The following MAP2K5 variants were observed in gnomAD, a reference collection of about 807,000 sequenced individuals.
The protein encoded by MAP2K5 is mitogen-activated protein kinase kinase 5, also known as dual specificity mitogen-activated protein kinase kinase 5.
MAP2K5 carries 49 observed loss-of-function variants against 83.1 expected under a neutral mutation model. That is an observed-to-expected ratio of 0.59 (90% CI 0.47 to 0.75). The LOEUF is 0.75. Among genes scored for constraint, MAP2K5 ranks in the 30% least tolerant of loss-of-function variants. MAP2K5 has a pLI of 0.00. For missense variants in MAP2K5, 457 were observed against 557.5 expected (o/e 0.82, Z 1.82); for synonymous variants, 202 against 191.8 (o/e 1.05, Z -0.44).
rs1257714478 is a variant in MAP2K5, at chr15:67,572,397, AG to A, written c.253-8353del. 6.6e-6 allele frequency among the ~76,000 whole-genome samples: 1 copy of A among 152,294 alleles called. No homozygotes were observed. Among genetic ancestry groups the A allele is most frequent in the African/African-American group, 2.4e-5 (1 of 41,566 alleles). On this transcript the variant is annotated intron_variant, in intron 3 of 21. Transcript: ENST00000178640. The surrounding 1 kb of genome is among the most constrained non-coding windows in gnomAD (Gnocchi z 4.2). ...GTCTGTTTTCATACTGTTATCGGAA[AG>A]GGGTCCCAATCCAGACCCTAAGAGA... is the stretch of plus-strand genomic sequence containing the variant.
Position 67,652,029 on chromosome 15 carries a change from A to G in MAP2K5, c.736+5560A>G, listed in dbSNP as rs148439312. Among the ~76,000 whole-genome samples, 29 of 152,258 alleles carry G rather than the reference A, an allele frequency of 1.9e-4. No individual in the cohort carries two copies. The highest frequency in any genetic ancestry group is 2.9e-4 in the Non-Finnish European group (20 of 68,010). On this transcript the variant is annotated intron_variant, in intron 11 of 21. Coordinates refer to ENST00000178640, the MANE Select transcript of MAP2K5 (RefSeq NM_145160.3). The surrounding 1 kb of genome is among the most constrained non-coding windows in gnomAD (Gnocchi z 4.2). ...CTCCACATCCTTGCCAGCATCTATT[A>G]TTCCCTGTCTTTTTGATAAAAGCCA...
Position 67,722,905 on chromosome 15 carries a change from A to C in MAP2K5, c.1045-5011A>C, listed in dbSNP as rs910739768. Among the ~76,000 whole-genome samples, 3 of 152,242 alleles carry C rather than the reference A, an allele frequency of 2.0e-5. No individual in the cohort carries two copies. The highest frequency in any genetic ancestry group is 2.9e-5 in the Non-Finnish European group (2 of 68,034). ...TATAAAGTTGTCATTCAGCTAGATC[A>C]CTGGCTATATTGAAAATGCTTATTT... On this transcript the variant is annotated intron_variant, in intron 16 of 21. Transcript: ENST00000178640. This position sits in a 1 kb window ranked among gnomAD's most constrained non-coding sequence, Gnocchi z 4.2.
intron 8 of MAP2K5, among the ~76,000 whole-genome samples, chr15:67,621,706 AC>A (rs1259731895): frequency 6.6e-6 from 1 of 152,156 alleles, no homozygotes; most frequent in Non-Finnish European, 1.5e-5. Context: ...AAAAATAAAA[AC>A]CAAAATAGAC....
intron 17 of MAP2K5, among the ~76,000 whole-genome samples, chr15:67,740,455 A>G (rs764310471): frequency 1.3e-5 from 2 of 152,052 alleles, no homozygotes; most frequent in Non-Finnish European, 2.9e-5. Context: ...TTGTCTTCAC[A>G]TGGGCACACA....
At chr15:67,735,734 G>A (rs1420968169) in intron 17 of MAP2K5, among the ~76,000 whole-genome samples, 6 of 152,208 alleles carry the variant, frequency 3.9e-5, no homozygotes, top group Non-Finnish European at 8.8e-5. Flanking sequence ...ATGGGACCAT[G>A]ATTCCTTTGT....
intron 3 of MAP2K5, among the ~76,000 whole-genome samples, chr15:67,576,830 A>C (rs1437127300): frequency 6.8e-6 from 1 of 147,210 alleles, no homozygotes; most frequent in African/African-American, 2.5e-5. Flanking sequence ...TGTACTTTTA[A>C]ATTTCTTAAC....
chr15:67,545,989 C>A (rs1033280425), intron 1 of MAP2K5, among the ~76,000 whole-genome samples: 20 of 152,150 alleles, frequency 1.3e-4, no homozygotes, highest in Admixed American at 9.8e-4. Context: ...CACGAGTGGC[C>A]CCACCACTAG....
chr15:67,674,573 G>A (rs1365586889), intron 13 of MAP2K5, among the ~76,000 whole-genome samples: 2 of 152,026 alleles, frequency 1.3e-5, no homozygotes, highest in East Asian at 1.9e-4. Flanking sequence ...TGAACATCTC[G>A]AGAAATTAAG....
intron 17 of MAP2K5, among the ~76,000 whole-genome samples, chr15:67,731,009 A>G (rs760773879): frequency 3.9e-5 from 6 of 152,206 alleles, no homozygotes; most frequent in Non-Finnish European, 8.8e-5. Flanking sequence ...ATCAAATGAG[A>G]CTATGGATAT....
rs1212115178 is a variant in MAP2K5 at position 67,758,043 on chromosome 15, C to A, written c.1134+9442C>A. ...AACCAAGGGCCACATTTTGAAGGAT[C>A]TTTATACCCCATGCTTAGAGGTATT... On this transcript the variant is annotated intron_variant, in intron 19 of 21. Coordinates refer to ENST00000178640, the MANE Select transcript of MAP2K5 (RefSeq NM_145160.3). The surrounding 1 kb of genome is among the most constrained non-coding windows in gnomAD (Gnocchi z 4.7). 1.3e-5 allele frequency among the ~76,000 whole-genome samples: 2 copies of A among 152,058 alleles called. No individual in the cohort carries two copies. The highest frequency in any genetic ancestry group is 2.9e-5 in the Non-Finnish European group (2 of 68,010).
At position 67,573,120 on chromosome 15, in the gene MAP2K5, A is replaced by G. The variant is rs117472509; in HGVS notation, c.253-7634A>G. Among the ~76,000 whole-genome samples the G allele has an allele frequency of 5.9e-5, 9 of 152,308 alleles. No homozygotes were observed. The highest frequency in any genetic ancestry group is 1.0e-4 in the Non-Finnish European group (7 of 68,014). ...TCAATCTGTTCCCTTAATCATAAAT[A>G]GCTAGAGCCTAGGAATACCTAACTT... is the stretch of plus-strand genomic sequence containing the variant. On this transcript the variant is annotated intron_variant, in intron 3 of 21. Transcript: ENST00000178640. The surrounding 1 kb of genome is among the most constrained non-coding windows in gnomAD (Gnocchi z 4.2).
intron 8 of MAP2K5, among the ~76,000 whole-genome samples, chr15:67,620,240 G>A (rs2086150766): frequency 6.6e-6 from 1 of 151,866 alleles, no homozygotes; most frequent in South Asian, 2.1e-4. Flanking sequence ...GTGTGATGGT[G>A]GGCACCTGTA....
Position 67,724,105 on chromosome 15 carries a change from G to C in MAP2K5, c.1045-3811G>C, listed in dbSNP as rs2089033033. Among the ~76,000 whole-genome samples the C allele has an allele frequency of 6.6e-6, 1 of 152,130 alleles. No homozygotes were observed. On this transcript the variant is annotated intron_variant, in intron 16 of 21. Coordinates refer to ENST00000178640, the MANE Select transcript of MAP2K5 (RefSeq NM_145160.3). The surrounding 1 kb of genome is among the most constrained non-coding windows in gnomAD (Gnocchi z 4.4). ...AGGCAAAATTAAAAAGGACATTAAA[G>C]CTTCATTAAATCTGAAACACATTTA...
chr15:67,604,293 C>A (rs1345558470), intron 8 of MAP2K5, among the ~76,000 whole-genome samples: 1 of 152,172 alleles, frequency 6.6e-6, no homozygotes, highest in Non-Finnish European at 1.5e-5. Context: ...AAAGTATGGC[C>A]CAAGCCTAGG....
In MAP2K5 at chr15:67,652,721, C is replaced by T. The variant is rs888001485; in HGVS notation, c.737-5832C>T. Reference sequence around the variant, plus strand: ...CATTAACATGGTTGTGCAACTGTCACCACCATCCATCTGCAGAACTCTTTT... The same window carrying T: ...CATTAACATGGTTGTGCAACTGTCATCACCATCCATCTGCAGAACTCTTTT... On this transcript the variant is annotated intron_variant, in intron 11 of 21. Transcript: ENST00000178640. This position sits in a 1 kb window ranked among gnomAD's most constrained non-coding sequence, Gnocchi z 4.2. Among the ~76,000 whole-genome samples the T allele has an allele frequency of 2.6e-5, 4 of 152,152 alleles. No individual in the cohort carries two copies. Among genetic ancestry groups the T allele is most frequent in the African/African-American group, 9.7e-5 (4 of 41,438 alleles).
At position 67,618,780 on chromosome 15, in the gene MAP2K5, A is replaced by G. The variant is rs113849123; in HGVS notation, c.546-12108A>G. Among the ~76,000 whole-genome samples the G allele has an allele frequency of 7.9e-3, 1,198 of 152,204 alleles. 8 individuals are homozygous for G. Among genetic ancestry groups the G allele is most frequent in the Non-Finnish European group, 0.012 (804 of 68,010 alleles). ...TATTTCAAGAAGCTGACCACCTTTC[A>G]TCACTGTTTTCTTGCTACCCTATTC... On this transcript the variant is annotated intron_variant, in intron 8 of 21. Transcript: ENST00000178640.
chr15:67,610,794 TAAATTTTTTTAAAAAA>T (rs1428763348), intron 8 of MAP2K5, among the ~76,000 whole-genome samples: 2 of 152,186 alleles, frequency 1.3e-5, no homozygotes, highest in African/African-American at 4.8e-5. Flanking sequence ...TATTAAGCAT[TAAATTTTTTTAAAAAA>T]ACATTAATTT....
intron 8 of MAP2K5, among the ~76,000 whole-genome samples, chr15:67,610,526 GGT>G: frequency 6.6e-6 from 1 of 152,020 alleles, no homozygotes; most frequent in Non-Finnish European, 1.5e-5. Flanking sequence ...TAGCATCTAG[GGT>G]ATTTACTTAA....
intron 13 of MAP2K5, among the ~76,000 whole-genome samples, chr15:67,680,440 T>C (rs1478290826): frequency 6.6e-6 from 1 of 152,224 alleles, no homozygotes; most frequent in Non-Finnish European, 1.5e-5. Flanking sequence ...ACCATTGGTA[T>C]ATATTATATG....
Sources: allele counts gnomAD v4.1 joint callset (sites outside exome capture counted in the v4.1 genomes callset), GRCh38; gene constraint gnomAD v4.1.1; non-coding constraint Gnocchi (gnomAD v3.1); transcripts MANE v1.5; gene names NCBI Gene and HGNC (gene_info 2026-07-23, HGNC 2026-07-21).